USH2A: variants seen among roughly 807,000 people sequenced by gnomAD.
USH2A encodes Usher syndrome 2A (autosomal recessive, mild).
In USH2A, 443 loss-of-function variants were observed where a neutral mutation model predicts 538.9. The observed-to-expected ratio is 0.82, with a 90% CI of 0.76 to 0.89. The LOEUF (loss-of-function observed/expected upper bound fraction) is 0.89, where lower values mean the gene tolerates loss of function less well. Ranked by LOEUF, USH2A falls within the 40% of genes least tolerant of loss-of-function variation. The pLI, the probability that USH2A is intolerant of heterozygous loss-of-function variation, is 0.00. For missense variants in USH2A, 6,633 were observed against 6,324.8 expected (o/e 1.05, Z -1.65); for synonymous variants, 2,413 against 2,273.5 (o/e 1.06, Z -1.75).
chr1:216,087,861 C>T (rs1030644872), intron 23 of USH2A, among the ~76,000 whole-genome samples: 3 of 152,016 alleles, frequency 2.0e-5, no homozygotes, highest in Admixed American at 1.3e-4. Context: ...CATGCCTTCA[C>T]CCTCATTCCC....
At chr1:216,102,961 A>G (rs922824371) in intron 21 of USH2A, among the ~76,000 whole-genome samples, 8 of 152,224 alleles carry the variant, frequency 5.3e-5, no homozygotes, top group African/African-American at 1.9e-4. Context: ...TCAAACTGAA[A>G]CATACACACG....
chr1:216,155,288 G>A (rs2102623873), intron 21 of USH2A, among the ~76,000 whole-genome samples: 1 of 152,180 alleles, frequency 6.6e-6, no homozygotes, highest in Middle Eastern at 3.4e-3. Context: ...ATTACGGGAG[G>A]GGCCTGAATG....
Position 216,250,947 on chromosome 1 carries a change from C to A in USH2A, c.2123G>T (p.Cys708Phe). 1 of 1,614,018 alleles carries A rather than the reference C, an allele frequency of 6.2e-7. No individual in the cohort carries two copies. ...TSGTVDGDIT[C>F]HQNSGQCKCK... ...CTTGCACTGGCCTGAATTTTGGTGA[C>A]AGGTAATATCTCCATCCACTGTCCC... Residue 708 changes from cysteine (C) to phenylalanine (F), a missense_variant, in exon 12 of 72, where the codon TGT (cysteine) becomes TTT (phenylalanine). Coordinates refer to ENST00000307340, the MANE Select transcript of USH2A (RefSeq NM_206933.4).
chr1:216,297,293 G>T (rs1351017727), intron 9 of USH2A, among the ~76,000 whole-genome samples: 4 of 151,950 alleles, frequency 2.6e-5, no homozygotes, highest in Admixed American at 6.6e-5. Flanking sequence ...GATCGTTATT[G>T]GATTCACGAC....
At chr1:216,079,851 T>C (rs1232331831) in intron 26 of USH2A, 1 of 152,094 alleles carries the variant, frequency 6.6e-6, no homozygotes, top group African/African-American at 2.4e-5. Context: ...AAGAGAAGAC[T>C]CAATCTTAGA....
intron 4 of USH2A, among the ~76,000 whole-genome samples, chr1:216,358,490 C>G (rs1169091293): frequency 6.6e-6 from 1 of 151,872 alleles, no homozygotes; most frequent in African/African-American, 2.4e-5. Context: ...AAAAAAGGAG[C>G]AAGTAAGAGA....
At chr1:216,351,555 G>A (rs1266694291) in intron 4 of USH2A, among the ~76,000 whole-genome samples, 4 of 152,184 alleles carry the variant, frequency 2.6e-5, no homozygotes, top group Non-Finnish European at 5.9e-5. Flanking sequence ...GCTCAGTTAG[G>A]TCTTGTAGGT....
chr1:216,006,019 G>C (rs992017320), intron 32 of USH2A, among the ~76,000 whole-genome samples: 7 of 152,036 alleles, frequency 4.6e-5, no homozygotes, highest in Non-Finnish European at 1.0e-4. Context: ...CGGTCACACT[G>C]CTTCTCTCCT....
intron 61 of USH2A, among the ~76,000 whole-genome samples, chr1:215,707,975 CAT>C (rs1330622924): frequency 6.6e-6 from 1 of 152,132 alleles, no homozygotes; most frequent in Non-Finnish European, 1.5e-5. Context: ...TTCAATGCAA[CAT>C]GTGAACAATT....
chr1:215,870,485 C>T (rs1229115061), intron 43 of USH2A, among the ~76,000 whole-genome samples: 3 of 139,314 alleles, frequency 2.2e-5, no homozygotes, highest in South Asian at 2.3e-4. Flanking sequence ...TTAGTAGAGA[C>T]GGGGTTTCAT....
At chr1:215,680,094 CATCT>C (rs1658174711) in intron 62 of USH2A, 51 bp downstream of exon 62, 21 of 1,562,924 alleles carry the variant, frequency 1.3e-5, no homozygotes, top group Non-Finnish European at 1.6e-5. Context: ...TGTCAGGGCT[CATCT>C]ATTTATCTGG....
intron 61 of USH2A, among the ~76,000 whole-genome samples, chr1:215,700,135 C>G (rs1208959935): frequency 6.6e-6 from 1 of 152,130 alleles, no homozygotes; most frequent in Non-Finnish European, 1.5e-5. Flanking sequence ...ATTGAACCAG[C>G]CTTGCATCCC....
intron 67 of USH2A, among the ~76,000 whole-genome samples, chr1:215,643,972 C>T (rs144401797): frequency 6.6e-6 from 1 of 152,252 alleles, no homozygotes; most frequent in East Asian, 1.9e-4. Flanking sequence ...GGCTTTCTGG[C>T]CACATCAACC....
intron 4 of USH2A, among the ~76,000 whole-genome samples, chr1:216,356,993 A>T (rs1308797718): frequency 6.6e-6 from 1 of 152,108 alleles, no homozygotes; most frequent in East Asian, 1.9e-4. Context: ...TTCCCAGTTT[A>T]ATAGTCAGAT....
At chr1:216,301,377 A>G (rs1391784146) in intron 9 of USH2A, among the ~76,000 whole-genome samples, 1 of 152,172 alleles carries the variant, frequency 6.6e-6, no homozygotes, top group African/African-American at 2.4e-5. Flanking sequence ...ACTTGTCTTC[A>G]ATATGTTGAA....
intron 9 of USH2A, among the ~76,000 whole-genome samples, chr1:216,321,580 A>AAAG (rs1379835208): frequency 6.6e-6 from 1 of 152,210 alleles, no homozygotes; most frequent in Admixed American, 6.5e-5. Context: ...CAAACACATT[A>AAAG]AAAATTGTTT....
intron 38 of USH2A, among the ~76,000 whole-genome samples, chr1:215,918,703 G>T (rs1261833907): frequency 6.6e-6 from 1 of 152,050 alleles, no homozygotes; most frequent in Non-Finnish European, 1.5e-5. Flanking sequence ...ACTGCTGAAA[G>T]ACTTCTAAGA....
At position 215,993,145 on chromosome 1, in the gene USH2A, G is replaced by T. The variant is rs764721069; in HGVS notation, c.6680C>A (p.Thr2227Lys). ...TAGGGCCTCACTGGCCTCACTCACT[G>T]TGCACCCACCACCTGTGCAAGCCTA... ...KLGACTGGGC[T>K]VSEASEALTD... Residue 2227 changes from threonine to lysine, a missense_variant, in exon 35 of 72, where the codon ACA (threonine) becomes AAA (lysine). Physicochemically the swap from Thr to Lys is moderately conservative, Grantham distance 78 (BLOSUM62 -1). Transcript: ENST00000307340. 8.7e-6 allele frequency: 14 copies of T among 1,613,976 alleles called. No individual in the cohort carries two copies. The highest frequency in any genetic ancestry group is 1.2e-5 in the Non-Finnish European group (14 of 1,179,958).
chr1:215,875,176 C>T (rs529955706), intron 43 of USH2A, among the ~76,000 whole-genome samples: 1 of 152,272 alleles, frequency 6.6e-6, no homozygotes, highest in South Asian at 2.1e-4. Flanking sequence ...GACACTCCCC[C>T]TTGGGCTAAA....
Sources: gnomAD v4.1 joint callset for allele counts (sites outside exome capture counted in the v4.1 genomes callset) on GRCh38, gnomAD v4.1.1 for gene constraint, MANE v1.5 for transcripts, NCBI Gene and HGNC (gene_info 2026-07-23, HGNC 2026-07-21) for gene names.